The following PRCP variants were observed in gnomAD, a reference collection of about 807,000 sequenced individuals.
The protein encoded by PRCP is prolylcarboxypeptidase.
Under a neutral mutation model 54.2 loss-of-function variants are expected in PRCP, and 46 were observed. The ratio of observed to expected loss-of-function variants is 0.85; its 90% CI spans 0.67 to 1.09. PRCP has a LOEUF of 1.09. Ranked by LOEUF, PRCP falls within the 50% of genes least tolerant of loss-of-function variation. The probability of loss-of-function intolerance (pLI) is 0.00; values close to 1 mark genes in which losing one functional copy is unlikely to be tolerated. For synonymous variants in PRCP, 240 were observed against 212.2 expected, an observed-to-expected ratio of 1.13 and a Z score of -1.14; for missense variants, 613 against 596.8, an observed-to-expected ratio of 1.03 and a Z score of -0.28.
chr11:82,892,694 T>C (rs543091304), intron 1 of PRCP, among the ~76,000 whole-genome samples: 37 of 152,358 alleles, frequency 2.4e-4, no homozygotes, highest in African/African-American at 7.9e-4. Context: ...CAGTAAACTA[T>C]TATAATGATG....
chr11:82,867,088 G>A (rs1859355651), intron 1 of PRCP, among the ~76,000 whole-genome samples: 1 of 152,178 alleles, frequency 6.6e-6, no homozygotes, highest in Admixed American at 6.5e-5. Flanking sequence ...TTCTGATTAT[G>A]AGGTTCCCTT....
chr11:82,851,540 G>A (rs772005344), intron 3 of PRCP, among the ~76,000 whole-genome samples: 1 of 150,636 alleles, frequency 6.6e-6, no homozygotes, highest in Non-Finnish European at 1.5e-5. Context: ...TCAGATGCCT[G>A]CAGCACCAGC....
chr11:82,853,247 T>G lies in PRCP; in HGVS notation c.341A>C (p.Lys114Thr), dbSNP rs748423129. Reference protein sequence around the residue: ...GFMWDVAEELKAMLVFAEHRY... With the variant: ...GFMWDVAEELTAMLVFAEHRY... ...ATGTTCAGCAAACACCAACATAGCT[T>G]TCAGTTCCTCAGCCACATCCCACAT... The change falls in exon 3 of 9, where the codon AAA becomes ACA. Residue 114 changes from lysine to threonine, a missense_variant. Physicochemically the swap from Lys to Thr is moderately conservative, Grantham distance 78. Coordinates refer to ENST00000313010, the MANE Select transcript of PRCP (RefSeq NM_005040.4). 1.2e-6 allele frequency: 2 copies of G among 1,613,282 alleles called. No homozygotes were observed. The highest frequency in any genetic ancestry group is 8.5e-7 in the Non-Finnish European group (1 of 1,179,496).
chr11:82,901,006 A>G, upstream of PRCP: 1 of 393,586 alleles, frequency 2.5e-6, no homozygotes, highest in South Asian at 1.8e-5. Context: ...TCCCATCTAC[A>G]GATGTGGAAA....
At chr11:82,844,100 A>C (rs1200324918) in intron 6 of PRCP, among the ~76,000 whole-genome samples, 1 of 152,076 alleles carries the variant, frequency 6.6e-6, no homozygotes, top group East Asian at 1.9e-4. Context: ...AATAGCTATT[A>C]TTATTTATAA....
intron 2 of PRCP, among the ~76,000 whole-genome samples, chr11:82,859,636 G>A (rs959178431): frequency 8.6e-5 from 13 of 151,854 alleles, no homozygotes; most frequent in Non-Finnish European, 1.3e-4. Context: ...CAAAAAACTT[G>A]CAAAATTCAA....
intron 2 of PRCP, among the ~76,000 whole-genome samples, chr11:82,855,008 T>A (rs563284715): frequency 9.9e-5 from 15 of 152,162 alleles, no homozygotes; most frequent in African/African-American, 3.6e-4. Flanking sequence ...TTTCACCATA[T>A]ACAAAAATCA....
intron 1 of PRCP, among the ~76,000 whole-genome samples, chr11:82,890,577 G>T (rs1200323119): frequency 6.6e-6 from 1 of 151,990 alleles, no homozygotes; most frequent in Non-Finnish European, 1.5e-5. Context: ...TCTTAAAAAT[G>T]GGAACCCTCT....
At chr11:82,891,231 C>A (rs990083611) in intron 1 of PRCP, among the ~76,000 whole-genome samples, 1 of 152,114 alleles carries the variant, frequency 6.6e-6, no homozygotes, top group African/African-American at 2.4e-5. Flanking sequence ...ATCTTCAATT[C>A]TTTATCTCAC....
In PRCP at chr11:82,867,773, A is replaced by C. The variant is rs545512351; in HGVS notation, c.169-7656T>G. On this transcript the variant is annotated intron_variant, in intron 1 of 8. Coordinates refer to ENST00000313010, the MANE Select transcript of PRCP (RefSeq NM_005040.4). ...GGTCTCCCCTCTGTAGCCCAGGCAA[A>C]GTAGAGTGGCCAGATCATAGCTCAC... is the stretch of plus-strand genomic sequence containing the variant. Among the ~76,000 whole-genome samples the C allele has an allele frequency of 2.1e-4, 32 of 152,208 alleles. 1 individual carries two copies. In the South Asian group the frequency reaches 6.4e-3, roughly 31 times the overall value.
At chr11:82,838,238 C>G in intron 8 of PRCP, 149 bp downstream of exon 8, 1 of 674,442 alleles carries the variant, frequency 1.5e-6, no homozygotes. Context: ...TTCTCAGCAT[C>G]CTATCTTTCA....
At chr11:82,886,457 G>C (rs1413990434) in intron 1 of PRCP, among the ~76,000 whole-genome samples, 1 of 152,008 alleles carries the variant, frequency 6.6e-6, no homozygotes, top group Non-Finnish European at 1.5e-5. Flanking sequence ...GCTAATTTTT[G>C]TATTTTTTTA....
chr11:82,846,538 A>G (rs912456424), intron 6 of PRCP, among the ~76,000 whole-genome samples: 6 of 152,184 alleles, frequency 3.9e-5, no homozygotes, highest in African/African-American at 1.4e-4. Flanking sequence ...AAGAAAGGAT[A>G]ATGTCAGTAA....
At chr11:82,864,780 T>C (rs1188159163) in intron 1 of PRCP, among the ~76,000 whole-genome samples, 2 of 152,216 alleles carry the variant, frequency 1.3e-5, no homozygotes, top group Non-Finnish European at 2.9e-5. Flanking sequence ...GCTTCCCCAC[T>C]TTACCATGTG....
At chr11:82,855,415 G>A (rs1181903609) in intron 2 of PRCP, among the ~76,000 whole-genome samples, 5 of 151,930 alleles carry the variant, frequency 3.3e-5, no homozygotes, top group African/African-American at 9.7e-5. Context: ...TCAGGAGATC[G>A]AGACCATCCT....
rs61902274 is a variant in PRCP, at chr11:82,894,781, A to C, written c.168+5454T>G. Among the ~76,000 whole-genome samples the C allele has an allele frequency of 6.3e-3, 955 of 152,392 alleles. 5 individuals are homozygous for C. The highest frequency in any genetic ancestry group is 0.024 in the Middle Eastern group (7 of 294). On this transcript the variant is annotated intron_variant, in intron 1 of 8. Coordinates refer to ENST00000313010, the MANE Select transcript of PRCP (RefSeq NM_005040.4). Reference sequence around the variant, plus strand: ...CTAGTAAGAAATTTAAAACTCAGCTATCAGAAAGACAGTGTTAGATTTACT... The same window carrying C: ...CTAGTAAGAAATTTAAAACTCAGCTCTCAGAAAGACAGTGTTAGATTTACT...
chr11:82,852,525 T>TA (rs775475907), intron 3 of PRCP, among the ~76,000 whole-genome samples: 5 of 152,178 alleles, frequency 3.3e-5, no homozygotes, highest in Non-Finnish European at 2.9e-5. Flanking sequence ...ATGCTAAGTT[T>TA]AAAAAGTGAG....
At chr11:82,884,761 T>C (rs765012636) in intron 1 of PRCP, 61 of 1,604,254 alleles carry the variant, frequency 3.8e-5, no homozygotes, top group Middle Eastern at 3.3e-4. Context: ...ATTAGCTACT[T>C]AACCAAGTTC....
At chr11:82,900,822 T>C (rs1314038730), upstream of PRCP, 1 of 462,330 alleles carries the variant, frequency 2.2e-6, no homozygotes, top group Non-Finnish European at 4.3e-6. Flanking sequence ...CCACCGCAAT[T>C]CCATTGCGAC....
Sources: allele counts gnomAD v4.1 joint callset (sites outside exome capture counted in the v4.1 genomes callset), GRCh38; gene constraint gnomAD v4.1.1; transcripts MANE v1.5; gene names NCBI Gene and HGNC (gene_info 2026-07-23, HGNC 2026-07-21).